Variants in LRRC27 observed in about 807,000 individuals in gnomAD.
The protein encoded by LRRC27 is leucine rich repeat containing 27.
A neutral mutation model predicts 55.0 loss-of-function variants in LRRC27; 57 were observed. That is an observed-to-expected ratio of 1.04 (90% CI 0.84 to 1.29). LRRC27 has a LOEUF of 1.29. LRRC27 is among the 50% of genes most tolerant of loss of function. The pLI, the probability that LRRC27 is intolerant of heterozygous loss-of-function variation, is 0.00. For missense variants in LRRC27, 721 were observed against 651.5 expected, an observed-to-expected ratio of 1.11 and a Z score of -1.16; for synonymous variants, 278 against 251.9, an observed-to-expected ratio of 1.10 and a Z score of -0.98.
intron 7 of LRRC27, among the ~76,000 whole-genome samples, 184 bp from the exon 8 acceptor site, chr10:132,355,606 G>A (rs573671196): frequency 2.6e-5 from 4 of 152,332 alleles, no homozygotes; most frequent in South Asian, 4.1e-4. Context: ...GGCATTCCCG[G>A]CTCTGCCCAG....
chr10:132,343,211 A>C (rs1173851205), intron 4 of LRRC27, among the ~76,000 whole-genome samples: 1 of 148,642 alleles, frequency 6.7e-6, no homozygotes, highest in Admixed American at 6.6e-5. Context: ...GGTACTTAGG[A>C]GGCTGAGGCA....
At chr10:132,352,817 C>A in intron 7 of LRRC27, 2 of 1,576,236 alleles carry the variant, frequency 1.3e-6, no homozygotes, top group African/African-American at 2.7e-5. Flanking sequence ...CCGTCTTTGC[C>A]CTGGCTTCCT....
At position 132,372,739 on chromosome 10, in the gene LRRC27, T is replaced by G. The variant is rs2069246913; in HGVS notation, c.1417-2327T>G. The stretch of plus-strand genomic sequence containing the variant: ...GTGGTGACAGCAGCCATGTTTGGCC[T>G]AAAGAGACCTGCAGAAGGTCAGGTG... On this transcript the variant is annotated intron_variant, in intron 10 of 10. Transcript: ENST00000368614. This position sits in a 1 kb window ranked among gnomAD's most constrained non-coding sequence, Gnocchi z 4.0. Among the ~76,000 whole-genome samples the G allele has an allele frequency of 6.6e-6, 1 of 152,058 alleles. No homozygotes were observed. Among genetic ancestry groups the G allele is most frequent in the African/African-American group, 2.4e-5 (1 of 41,404 alleles).
intron 5 of LRRC27, among the ~76,000 whole-genome samples, chr10:132,345,227 A>G (rs917710989): frequency 6.6e-6 from 1 of 152,270 alleles, no homozygotes; most frequent in Admixed American, 6.5e-5. Flanking sequence ...AAGGAGAATC[A>G]TAATGAAGCC....
intron 8 of LRRC27, among the ~76,000 whole-genome samples, chr10:132,357,624 C>T (rs1364678537): frequency 1.8e-4 from 28 of 151,968 alleles, no homozygotes; most frequent in Admixed American, 1.6e-3. Context: ...AGTGACTTTG[C>T]GGGGAGGGCT....
rs1590718486 is a variant in LRRC27, at chr10:132,364,496, C to T, written c.1290-928C>T. On this transcript the variant is annotated intron_variant, in intron 9 of 10. Transcript: ENST00000368614. ...TTACACCCACCCACACTTACACCCACCCTTACATCTACCTCCACACTCGCA... is the reference window on the plus strand; with the variant it reads ...TTACACCCACCCACACTTACACCCATCCTTACATCTACCTCCACACTCGCA... 6.4e-5 allele frequency among the ~76,000 whole-genome samples: 9 copies of T among 141,238 alleles called. 1 individual carries two copies. The highest frequency in any genetic ancestry group is 6.2e-4 in the East Asian group (3 of 4,848). 92.7% of individuals were successfully genotyped at this position (141,238 alleles called of 152,430 possible).
At chr10:132,353,207 C>T in intron 7 of LRRC27, 1 of 1,365,978 alleles carries the variant, frequency 7.3e-7, no homozygotes, top group Admixed American at 3.1e-5. Context: ...CTTTACTTTC[C>T]CGGCTTCTTT....
In LRRC27 at chr10:132,375,237, C is replaced by T; in HGVS notation, c.1588C>T (p.Gln530Ter). 6.2e-7 allele frequency: 1 copy of T among 1,611,924 alleles called. No homozygotes were observed. The highest frequency in any genetic ancestry group is 1.1e-5 in the South Asian group (1 of 90,906). ...AGAATCAGGAAATGTTCGCAGATAC[C>T]AGTGACACCAGGTGGCTGGACTGAT... ...YGESGNVRRYQ is the reference protein window; with the variant it reads ...YGESGNVRRY The change falls in exon 11 of 11, where the codon CAG becomes TAG. Residue 530 changes from glutamine (Q) to a stop codon, truncating the protein, a stop_gained. Transcript: ENST00000368614. LOFTEE classifies it high-confidence loss of function.
rs570566494 is a variant in LRRC27 at position 132,364,064 on chromosome 10, T to G, written c.1290-1360T>G. ...CCCACAGCAGACCACAGTGGCCCGCTAACCCCCCATCACCCTGGGCACAGT... is the reference window on the plus strand; with the variant it reads ...CCCACAGCAGACCACAGTGGCCCGCGAACCCCCCATCACCCTGGGCACAGT... On this transcript the variant is annotated intron_variant, in intron 9 of 10. Transcript: ENST00000368614. 5.5e-4 allele frequency among the ~76,000 whole-genome samples: 83 copies of G among 152,096 alleles called. No individual in the cohort carries two copies. In the South Asian group the frequency reaches 8.5e-3, roughly 16 times the overall value.
intron 5 of LRRC27, among the ~76,000 whole-genome samples, chr10:132,346,506 C>T (rs1045051212): frequency 6.6e-6 from 1 of 152,140 alleles, no homozygotes; most frequent in African/African-American, 2.4e-5. Flanking sequence ...GAAACCCTGT[C>T]TCTACTAAAA....
At chr10:132,330,667 C>A (rs2066654562), upstream of LRRC27, among the ~76,000 whole-genome samples, 1 of 135,086 alleles carries the variant, frequency 7.4e-6, no homozygotes. Flanking sequence ...GCCACCACAC[C>A]CAGCATTTTT....
At chr10:132,332,692 C>G (rs896078002) in intron 1 of LRRC27, among the ~76,000 whole-genome samples, 1 of 152,006 alleles carries the variant, frequency 6.6e-6, no homozygotes, top group African/African-American at 2.4e-5. Flanking sequence ...TGCAGGCTGC[C>G]TGGGGTTGAA....
intron 6 of LRRC27, chr10:132,349,137 G>A: frequency 1.0e-6 from 1 of 975,856 alleles, no homozygotes; most frequent in Non-Finnish European, 1.6e-6. Context: ...GAGAGAGAAT[G>A]CTGCAAAATA....
At chr10:132,343,396 T>A (rs777697655) in intron 4 of LRRC27, among the ~76,000 whole-genome samples, 2 of 152,126 alleles carry the variant, frequency 1.3e-5, no homozygotes, top group Admixed American at 6.5e-5. Context: ...ATGGAACGAG[T>A]TATGGCTGGA....
chr10:132,364,501 AC>A (rs2068882847), intron 9 of LRRC27, among the ~76,000 whole-genome samples: 1 of 1,544 alleles, frequency 6.5e-4, no homozygotes, highest in Non-Finnish European at 2.1e-3. Context: ...ACCCACCCTT[AC>A]ATCTACCTCC....
In LRRC27 at chr10:132,365,411, CTTTG is replaced by C. The variant is rs1326690107; in HGVS notation, c.1290-9_1290-6del. ...GTGTCAAGTCATTTCCCTCTTTGCC[CTTTG>C]TTTCTCAGTGCCCTGCAGGAGAGAA... is the stretch of plus-strand genomic sequence containing the variant. On this transcript the variant is annotated splice_polypyrimidine_tract_variant and intron_variant, in intron 9 of 10. Transcript: ENST00000368614. The C allele has an allele frequency of 6.2e-7, 1 of 1,613,156 alleles. No homozygotes were observed. The highest frequency in any genetic ancestry group is 2.2e-5 in the East Asian group (1 of 44,862).
chr10:132,364,718 G>GCTTACATCTACC (rs2068939732), intron 9 of LRRC27, among the ~76,000 whole-genome samples: 1 of 2,854 alleles, frequency 3.5e-4, no homozygotes, highest in African/African-American at 7.4e-4. Context: ...CACTCATGCA[G>GCTTACATCTACC]TCCGCGTCCA....
Position 132,333,514 on chromosome 10 carries a change from G to A in LRRC27, c.-11G>A. ...CAAGGAGGATGAGCTGCTGTCCCTGGAAGAGAACGGATGGAGGGAAGCAGC... is the reference window on the plus strand; with the variant it reads ...CAAGGAGGATGAGCTGCTGTCCCTGAAAGAGAACGGATGGAGGGAAGCAGC... On this transcript the variant is annotated 5_prime_UTR_variant, in exon 2 of 11. The change creates a premature stop within an existing upstream ORF in the 5' untranslated region. Coordinates refer to ENST00000368614, the MANE Select transcript of LRRC27 (RefSeq NM_030626.3). The A allele has an allele frequency of 6.3e-7, 1 of 1,584,134 alleles. No homozygotes were observed. Among genetic ancestry groups the A allele is most frequent in the South Asian group, 1.1e-5 (1 of 87,000 alleles).
At chr10:132,334,428 A>G (rs1244322612) in intron 2 of LRRC27, among the ~76,000 whole-genome samples, 1 of 152,162 alleles carries the variant, frequency 6.6e-6, no homozygotes, top group Non-Finnish European at 1.5e-5. Flanking sequence ...TTTAGTAGAG[A>G]TGGGGTTTCA....
Sources: gnomAD v4.1 joint callset for allele counts (sites outside exome capture counted in the v4.1 genomes callset) on GRCh38, gnomAD v4.1.1 for gene constraint, Gnocchi (gnomAD v3.1) non-coding constraint, MANE v1.5 for transcripts, NCBI Gene and HGNC (gene_info 2026-07-23, HGNC 2026-07-21) for gene names.